The following SIGLEC8 variants were observed in gnomAD, a reference collection of about 807,000 sequenced individuals.
SIGLEC8 encodes sialic acid-binding Ig-like lectin 8.
Under a neutral mutation model 42.1 loss-of-function variants are expected in SIGLEC8, and 32 were observed. The observed-to-expected ratio is 0.76, with a 90% CI of 0.57 to 1.02. SIGLEC8 has a LOEUF of 1.02. SIGLEC8 is among the 50% of genes least tolerant of loss of function. SIGLEC8 has a pLI of 0.00. For synonymous variants in SIGLEC8, 262 were observed against 260.3 expected (o/e 1.01, Z -0.06); for missense variants, 611 against 610.2 (o/e 1.00, Z -0.01).
chr19:51,454,691 A>G lies in SIGLEC8; in HGVS notation c.1141T>C (p.Phe381Leu). ...CCCAGGGTCAATGCTCACATGATGA[A>G]GATGATGCAGAAGGACAGGAAGGCC... is the stretch of plus-strand genomic sequence containing the variant. ...ALAFLSFCII[F>L]IIVRSCRKKS... is the part of the protein sequence containing the mutation. The change falls in exon 5 of 7, where the codon TTC becomes CTC. Residue 381 changes from phenylalanine (F) to leucine (L), a missense_variant. Phe to Leu is a conservative substitution (Grantham distance 22). Transcript: ENST00000321424. This position sits in a 1 kb window ranked among gnomAD's most constrained non-coding sequence, Gnocchi z 4.7. 6.2e-7 allele frequency: 1 copy of G among 1,612,490 alleles called. No homozygotes were observed. The highest frequency in any genetic ancestry group is 1.3e-5 in the African/African-American group (1 of 75,012).
At position 51,455,415 on chromosome 19, in the gene SIGLEC8, C is replaced by T; in HGVS notation, c.1051+3G>A. ...CTCCTCCTCCAGCCCCTCCCTTACC[C>T]ACCTGTGCCCTCATTCTGCAGGGAG... On this transcript the variant is annotated splice_donor_region_variant and intron_variant, in intron 4 of 6. Transcript: ENST00000321424. The T allele has an allele frequency of 6.2e-7, 1 of 1,612,752 alleles. No individual in the cohort carries two copies.
rs944214521 is a variant in SIGLEC8, at chr19:51,453,708, A to G, written c.1245+511T>C. On this transcript the variant is annotated intron_variant, in intron 6 of 6. Transcript: ENST00000321424. ...AGATTCTGCCTCGAGAAAAAAATAA[A>G]AATAAGAAATGAGTATCTACATGTA... 9.3e-6 allele frequency: 9 copies of G among 970,612 alleles called. No homozygotes were observed. The Admixed American group carries it at 1.8e-4, about 20-fold the overall frequency. 60.1% of individuals were successfully genotyped at this position (970,612 alleles called of 1,614,324 possible). A position where few individuals can be genotyped will look rare whatever the true frequency, so the allele number is the denominator to read the frequency against.
Position 51,454,897 on chromosome 19 carries a change from G to T in SIGLEC8, c.1052-117C>A. On this transcript the variant is annotated intron_variant, in intron 4 of 6. Transcript: ENST00000321424. The surrounding 1 kb of genome is among the most constrained non-coding windows in gnomAD (Gnocchi z 4.7). ...TCCCCTCTTCTCCTTCCCAGACACA[G>T]AATACGAATGGGAGGGAGGAAAGGA... 1.4e-6 allele frequency: 1 copy of T among 706,948 alleles called. No homozygotes were observed. The highest frequency in any genetic ancestry group is 2.5e-6 in the Non-Finnish European group (1 of 399,310). The allele number at this position is 706,948 out of a possible 1,614,324, so 43.8% of individuals were successfully genotyped here. A position where few individuals can be genotyped will look rare whatever the true frequency, so the allele number is the denominator to read the frequency against.
intron 3 of SIGLEC8, among the ~76,000 whole-genome samples, chr19:51,456,425 A>T (rs1989494405): frequency 7.2e-5 from 11 of 152,180 alleles, no homozygotes; most frequent in Admixed American, 7.2e-4. Context: ...ATTAGAAACA[A>T]CATACGACAC....
Position 51,454,893 on chromosome 19 carries a change from C to T in SIGLEC8, c.1052-113G>A. The T allele has an allele frequency of 1.4e-6, 1 of 734,510 alleles. No homozygotes were observed. Among genetic ancestry groups the T allele is most frequent in the African/African-American group, 1.7e-5 (1 of 57,562 alleles). 45.5% of individuals were successfully genotyped at this position (734,510 alleles called of 1,614,324 possible). A position where few individuals can be genotyped will look rare whatever the true frequency, so the allele number is the denominator to read the frequency against. On this transcript the variant is annotated intron_variant, in intron 4 of 6. Coordinates refer to ENST00000321424, the MANE Select transcript of SIGLEC8 (RefSeq NM_014442.3). The surrounding 1 kb of genome is among the most constrained non-coding windows in gnomAD (Gnocchi z 4.7). Reference sequence around the variant, plus strand: ...CCATTCCCCTCTTCTCCTTCCCAGACACAGAATACGAATGGGAGGGAGGAA... The same window carrying T: ...CCATTCCCCTCTTCTCCTTCCCAGATACAGAATACGAATGGGAGGGAGGAA...
chr19:51,452,936 C>A (rs907834651), intron 6 of SIGLEC8, among the ~76,000 whole-genome samples: 1 of 152,130 alleles, frequency 6.6e-6, no homozygotes, highest in Non-Finnish European at 1.5e-5. Context: ...TGCAGCAGGA[C>A]CCAATCCATC....
At position 51,458,094 on chromosome 19, in the gene SIGLEC8, G is replaced by A; in HGVS notation, c.294C>T (p.Leu98=). Residue 98 remains leucine, a synonymous_variant, in exon 1 of 7, where the codon CTC becomes CTT. Coordinates refer to ENST00000321424, the MANE Select transcript of SIGLEC8 (RefSeq NM_014442.3). ...VQAETQGRFQ[L]LGDIWSNDCS... ...AGTCGTTGCTCCAAATGTCCCCAAG[G>A]AGTTGGAATCGGCCCTGGGTCTCTG... The A allele has an allele frequency of 1.2e-6, 2 of 1,614,180 alleles. No individual in the cohort carries two copies. Among genetic ancestry groups the A allele is most frequent in the Non-Finnish European group, 1.7e-6 (2 of 1,180,024 alleles).
Position 51,454,178 on chromosome 19 carries a change from C to T in SIGLEC8, c.1245+41G>A. The T allele has an allele frequency of 6.2e-7, 1 of 1,613,266 alleles. No individual in the cohort carries two copies. The highest frequency in any genetic ancestry group is 8.5e-7 in the Non-Finnish European group (1 of 1,179,516). Reference sequence around the variant, plus strand: ...CTGGGGGCCATCCTGTCAGAGGTGTCCAGGCTGGATGCTCGGTGTGGAGAA... The same window carrying T: ...CTGGGGGCCATCCTGTCAGAGGTGTTCAGGCTGGATGCTCGGTGTGGAGAA... On this transcript the variant is annotated intron_variant, in intron 6 of 6. Transcript: ENST00000321424. This position sits in a 1 kb window ranked among gnomAD's most constrained non-coding sequence, Gnocchi z 4.7.
rs765807942 is a variant in SIGLEC8 at position 51,455,629 on chromosome 19, G to A, written c.840C>T (p.Arg280=). 1 of 1,614,186 alleles carries A rather than the reference G, an allele frequency of 6.2e-7. No individual in the cohort carries two copies. The highest frequency in any genetic ancestry group is 1.1e-5 in the South Asian group (1 of 91,078). ...GATTGCTGTTGACAGCACAGACCAGGCGCAGAGACTGGCCCTCAAGGACTG... is the reference window on the plus strand; with the variant it reads ...GATTGCTGTTGACAGCACAGACCAGACGCAGAGACTGGCCCTCAAGGACTG... ...SLSVLEGQSL[R]LVCAVNSNPP... Residue 280 remains arginine, a synonymous_variant, in exon 4 of 7, where the codon CGC becomes CGT. Coordinates refer to ENST00000321424, the MANE Select transcript of SIGLEC8 (RefSeq NM_014442.3).
chr19:51,452,910 C>T (rs770512323), intron 6 of SIGLEC8, among the ~76,000 whole-genome samples: 15 of 152,086 alleles, frequency 9.9e-5, no homozygotes, highest in Admixed American at 5.2e-4. Flanking sequence ...GTCAGCACTG[C>T]GCCCAAAGTC....
At position 51,452,640 on chromosome 19, in the gene SIGLEC8, A is replaced by G. The variant is rs1048124516; in HGVS notation, c.1246-7T>C. On this transcript the variant is annotated splice_region_variant and splice_polypyrimidine_tract_variant and intron_variant, in intron 6 of 6. Coordinates refer to ENST00000321424, the MANE Select transcript of SIGLEC8 (RefSeq NM_014442.3). ...AGGATTCAGTCAGGGGTCCCTGGAC[A>G]GAGAGAGAGAAGGGAGTCAGAACAG... 1 of 1,491,596 alleles carries G rather than the reference A, an allele frequency of 6.7e-7. No individual in the cohort carries two copies. The highest frequency in any genetic ancestry group is 9.0e-7 in the Non-Finnish European group (1 of 1,115,188). 92.4% of individuals were successfully genotyped at this position (1,491,596 alleles called of 1,614,324 possible). A position where few individuals can be genotyped will look rare whatever the true frequency, so the allele number is the denominator to read the frequency against.
chr19:51,455,878 T>C (rs898319589), intron 3 of SIGLEC8, among the ~76,000 whole-genome samples, 191 bp from the exon 4 acceptor site: 102 of 152,260 alleles, frequency 6.7e-4, no homozygotes, highest in African/African-American at 2.2e-3. Flanking sequence ...ATATACACCA[T>C]GGAATACTAT....
In SIGLEC8 at chr19:51,455,483, C is replaced by T. The variant is rs138700631; in HGVS notation, c.986G>A (p.Arg329Gln). 1.9e-4 allele frequency: 308 copies of T among 1,614,012 alleles called. No homozygotes were observed. Among genetic ancestry groups the T allele is most frequent in the Non-Finnish European group, 2.5e-4 (292 of 1,179,992 alleles). ...HVRDEGEFTC[R>Q]AQNAQGSQHI... ...CTGGGAGCCCTGAGCGTTCTGAGCT[C>T]GGCAGGTGAATTCCCCTTCATCCCT... The change falls in exon 4 of 7, where the codon CGA (arginine) becomes CAA (glutamine). Residue 329 changes from arginine (R) to glutamine (Q), a missense_variant. Arg to Gln is a conservative substitution (Grantham distance 43). Transcript: ENST00000321424.
chr19:51,454,181 G>A lies in SIGLEC8; in HGVS notation c.1245+38C>T, dbSNP rs1279556310. ...GGGGCCATCCTGTCAGAGGTGTCCA[G>A]GCTGGATGCTCGGTGTGGAGAAGCC... is the stretch of plus-strand genomic sequence containing the variant. On this transcript the variant is annotated intron_variant, in intron 6 of 6. Transcript: ENST00000321424. This position sits in a 1 kb window ranked among gnomAD's most constrained non-coding sequence, Gnocchi z 4.7. The A allele has an allele frequency of 6.2e-7, 1 of 1,613,370 alleles. No individual in the cohort carries two copies. Among genetic ancestry groups the A allele is most frequent in the African/African-American group, 1.3e-5 (1 of 74,880 alleles).
chr19:51,453,774 A>G, intron 6 of SIGLEC8: 1 of 984,956 alleles, frequency 1.0e-6, no homozygotes, highest in East Asian at 1.1e-4. Flanking sequence ...AATGAGAGAG[A>G]ATTACAGGGC....
rs1174761914 is a variant in SIGLEC8, at chr19:51,451,519, G to C, written c.*860C>G. On this transcript the variant is annotated 3_prime_UTR_variant, in exon 7 of 7. Transcript: ENST00000321424. ...TATTTCCTGAAAACTTATGGCTAAG[G>C]GGTGCCCAGCCTGCTGATTGCTTGA... 7 of 152,104 alleles carry C rather than the reference G, an allele frequency of 4.6e-5. No individual in the cohort carries two copies. Among genetic ancestry groups the C allele is most frequent in the Non-Finnish European group, 8.8e-5 (6 of 68,048 alleles). The allele number at this position is 152,104 out of a possible 1,614,324, so 9.4% of individuals were successfully genotyped here.
In SIGLEC8 at chr19:51,457,500, C is replaced by T; in HGVS notation, c.694G>A (p.Gly232Ser). The T allele has an allele frequency of 6.2e-7, 1 of 1,613,912 alleles. No individual in the cohort carries two copies. Among genetic ancestry groups the T allele is most frequent in the Non-Finnish European group, 8.5e-7 (1 of 1,180,020 alleles). ...LTCQVTLPGT[G>S]VTTTSTVRLD... The stretch of plus-strand genomic sequence containing the variant: ...CGGACGGTACTGGTCGTGGTCACAC[C>T]TGTCCCAGGCAAGGTCACCTGACAG... Residue 232 changes from glycine (G) to serine (S), a missense_variant, in exon 2 of 7, where the codon GGT becomes AGT. Physicochemically the swap from Gly to Ser is moderately conservative, Grantham distance 56 (BLOSUM62 0). Transcript: ENST00000321424.
chr19:51,457,161 C>A, intron 3 of SIGLEC8, 23 bp downstream of exon 3: 1 of 1,609,694 alleles, frequency 6.2e-7, no homozygotes, highest in Non-Finnish European at 8.5e-7. Context: ...TCCCCCAACC[C>A]CAGGGAGGGG....
Position 51,454,419 on chromosome 19 carries a change from G to A in SIGLEC8, c.1149-104C>T, listed in dbSNP as rs1202416783. ...CCTACTGGGGGCTTGAGGGGTGACCGAGGCGCAACGGCGGTGGTCCAGTTC... is the reference window on the plus strand; with the variant it reads ...CCTACTGGGGGCTTGAGGGGTGACCAAGGCGCAACGGCGGTGGTCCAGTTC... On this transcript the variant is annotated intron_variant, in intron 5 of 6. Coordinates refer to ENST00000321424, the MANE Select transcript of SIGLEC8 (RefSeq NM_014442.3). The surrounding 1 kb of genome is among the most constrained non-coding windows in gnomAD (Gnocchi z 4.7). 7 of 1,597,020 alleles carry A rather than the reference G, an allele frequency of 4.4e-6. No individual in the cohort carries two copies. Among genetic ancestry groups the A allele is most frequent in the Admixed American group, 1.7e-5 (1 of 57,278 alleles).
Sources: allele counts gnomAD v4.1 joint callset (sites outside exome capture counted in the v4.1 genomes callset), GRCh38; gene constraint gnomAD v4.1.1; non-coding constraint Gnocchi (gnomAD v3.1); transcripts MANE v1.5; gene names NCBI Gene and HGNC (gene_info 2026-07-23, HGNC 2026-07-21).